The following BBS9 variants were observed in gnomAD, a reference collection of about 807,000 sequenced individuals.
BBS9 encodes Bardet-Biedl syndrome 9.
Under a neutral mutation model 117.7 loss-of-function variants are expected in BBS9, and 89 were observed. That is an observed-to-expected ratio of 0.76 (90% confidence interval 0.64 to 0.90). BBS9 has a LOEUF of 0.90. BBS9 is among the 40% of genes least tolerant of loss of function. BBS9 has a pLI of 0.00. For missense variants in BBS9, 982 were observed against 1,042.2 expected (o/e 0.94, Z 0.80); for synonymous variants, 379 against 370.9 (o/e 1.02, Z -0.25).
chr7:33,335,902 G>A (rs956131809), intron 9 of BBS9, among the ~76,000 whole-genome samples: 2 of 152,080 alleles, frequency 1.3e-5, no homozygotes, highest in African/African-American at 4.8e-5. Flanking sequence ...GGGTAGAGAG[G>A]GAAAAGGATG....
chr7:33,631,300 G>A (rs1456720875), intron 21 of BBS9, among the ~76,000 whole-genome samples: 3 of 152,134 alleles, frequency 2.0e-5, no homozygotes, highest in Non-Finnish European at 4.4e-5. Flanking sequence ...TCCCAGCAGC[G>A]TTCCATGCCA....
At chr7:33,144,176 A>G (rs1017679290) in intron 1 of BBS9, among the ~76,000 whole-genome samples, 6 of 152,186 alleles carry the variant, frequency 3.9e-5, no homozygotes, top group Non-Finnish European at 7.3e-5. Flanking sequence ...CAGGAATTCA[A>G]ACTCACACAG....
At chr7:33,396,164 ATATT>A (rs1189312114) in intron 19 of BBS9, among the ~76,000 whole-genome samples, 2 of 152,174 alleles carry the variant, frequency 1.3e-5, no homozygotes, top group African/African-American at 4.8e-5. Context: ...TTACTCTTGA[ATATT>A]TAGGCAAGGA....
chr7:33,473,495 T>A (rs1841380059), intron 19 of BBS9, among the ~76,000 whole-genome samples: 1 of 152,140 alleles, frequency 6.6e-6, no homozygotes, highest in Admixed American at 6.5e-5. Flanking sequence ...AGCTAATTTT[T>A]GTATTTTTAG....
At chr7:33,544,266 C>G (rs1455485959) in intron 21 of BBS9, among the ~76,000 whole-genome samples, 1 of 152,076 alleles carries the variant, frequency 6.6e-6, no homozygotes, top group Non-Finnish European at 1.5e-5. Flanking sequence ...GTTGAAGAGC[C>G]TTGTTTCATC....
intron 18 of BBS9, among the ~76,000 whole-genome samples, chr7:33,386,753 C>T (rs1584604385): frequency 1.3e-5 from 2 of 152,154 alleles, no homozygotes; most frequent in East Asian, 1.9e-4. Context: ...CTCGGCCTCC[C>T]AAAGTTCTGG....
intron 1 of BBS9, among the ~76,000 whole-genome samples, chr7:33,136,179 TATC>T (rs1196475834): frequency 6.6e-6 from 1 of 152,214 alleles, no homozygotes; most frequent in Admixed American, 6.5e-5. Flanking sequence ...AATATAGAAA[TATC>T]ATGGATATTT....
At chr7:33,181,029 T>G (rs931921266) in intron 5 of BBS9, among the ~76,000 whole-genome samples, 2 of 152,156 alleles carry the variant, frequency 1.3e-5, no homozygotes, top group African/African-American at 4.8e-5. Context: ...CTACTTGAGG[T>G]GCTGCTTGTG....
intron 1 of BBS9, among the ~76,000 whole-genome samples, chr7:33,133,683 T>G (rs1789978605): frequency 6.6e-6 from 1 of 152,242 alleles, no homozygotes; most frequent in Non-Finnish European, 1.5e-5. Flanking sequence ...TGCTTCCTTT[T>G]GTTTATATAT....
chr7:33,563,630 C>T (rs945226002), intron 21 of BBS9, among the ~76,000 whole-genome samples: 10 of 152,158 alleles, frequency 6.6e-5, no homozygotes, highest in Admixed American at 4.6e-4. Context: ...GCCTCTTTTA[C>T]GCATTTCAAA....
At chr7:33,482,611 A>G (rs1352224438) in intron 19 of BBS9, among the ~76,000 whole-genome samples, 1 of 152,240 alleles carries the variant, frequency 6.6e-6, no homozygotes, top group Non-Finnish European at 1.5e-5. Context: ...TACTAATTTT[A>G]GAAAGCATTT....
chr7:33,170,639 A>G (rs1164890301), intron 4 of BBS9, among the ~76,000 whole-genome samples: 5 of 151,620 alleles, frequency 3.3e-5, no homozygotes, highest in Admixed American at 6.6e-5. Flanking sequence ...AGGGTATTCA[A>G]TTAGGAAAAA....
intron 1 of BBS9, among the ~76,000 whole-genome samples, chr7:33,141,344 T>C (rs1584106190): frequency 6.6e-6 from 1 of 152,034 alleles, no homozygotes; most frequent in East Asian, 1.9e-4. Flanking sequence ...TCGCCTGAAC[T>C]TGGGAGGTAG....
intron 19 of BBS9, among the ~76,000 whole-genome samples, chr7:33,412,236 A>G (rs958259282): frequency 1.5e-4 from 23 of 152,174 alleles, no homozygotes; most frequent in Admixed American, 1.4e-3. Flanking sequence ...AATACTGCAC[A>G]ATTTAGTTGA....
At chr7:33,458,744 A>G (rs937789794) in intron 19 of BBS9, among the ~76,000 whole-genome samples, 2 of 152,180 alleles carry the variant, frequency 1.3e-5, no homozygotes, top group Non-Finnish European at 2.9e-5. Flanking sequence ...GTTATGGAAG[A>G]GTGATTCACT....
intron 9 of BBS9, among the ~76,000 whole-genome samples, chr7:33,330,452 C>T (rs1563008569): frequency 6.6e-6 from 1 of 152,100 alleles, no homozygotes; most frequent in African/African-American, 2.4e-5. Flanking sequence ...TATTCTTAAG[C>T]CTATAACAAG....
intron 9 of BBS9, among the ~76,000 whole-genome samples, chr7:33,280,919 T>G (rs1344443156): frequency 2.2e-4 from 32 of 147,476 alleles, no homozygotes; most frequent in African/African-American, 7.4e-4. Context: ...TTGTTTTTTT[T>G]TTTTTTTTTT....
chr7:33,314,044 C>A (rs896875605), intron 9 of BBS9, among the ~76,000 whole-genome samples: 1 of 152,038 alleles, frequency 6.6e-6, no homozygotes, highest in African/African-American at 2.4e-5. Flanking sequence ...TAAGAAAGGA[C>A]CAACAAGACA....
chr7:33,557,019 C>G (rs1189410051), intron 21 of BBS9, among the ~76,000 whole-genome samples: 1 of 152,120 alleles, frequency 6.6e-6, no homozygotes, highest in Non-Finnish European at 1.5e-5. Context: ...TTTACTTAAG[C>G]CCCCTTTTCT....
Sources: gnomAD v4.1 joint callset for allele counts (sites outside exome capture counted in the v4.1 genomes callset) on GRCh38, gnomAD v4.1.1 for gene constraint, MANE v1.5 for transcripts, NCBI Gene and HGNC (gene_info 2026-07-23, HGNC 2026-07-21) for gene names.